THPO: variants seen among roughly 807,000 people sequenced by gnomAD.
THPO encodes MPL ligand.
THPO carries 12 observed loss-of-function variants against 17.0 expected under a neutral mutation model. The observed-to-expected ratio is 0.71, with a 90% CI of 0.45 to 1.14. The LOEUF is 1.14. Ranked by LOEUF, THPO falls within the 50% of genes most tolerant of loss-of-function variation. The pLI is 0.00. For synonymous variants in THPO, 188 were observed against 183.0 expected (o/e 1.03, Z -0.22); for missense variants, 365 against 427.5 (o/e 0.85, Z 1.29).
At chr3:184,378,524 A>G (rs1714649747), upstream of THPO, 1 of 490,932 alleles carries the variant, frequency 2.0e-6, no homozygotes, top group Non-Finnish European at 2.6e-6. Context: ...TGGACATCAT[A>G]CCTGCTGCTG....
In THPO at chr3:184,376,266, C is replaced by T. The variant is rs140178375; in HGVS notation, c.-7G>A. 75 of 1,614,148 alleles carry T rather than the reference C, an allele frequency of 4.6e-5. No individual in the cohort carries two copies. The highest frequency in any genetic ancestry group is 2.4e-4 in the African/African-American group (18 of 75,034). On this transcript the variant is annotated 5_prime_UTR_variant, in exon 2 of 6. Coordinates refer to ENST00000647395, the MANE Select transcript of THPO (RefSeq NM_000460.4). ...TCTCACCAGTCAGCTCCATTCTGGC[C>T]GGGGTGTCTGGCTGGCGTGGCTCCC...
At position 184,372,317 on chromosome 3, in the gene THPO, G is replaced by A; in HGVS notation, c.*196C>T. 1 of 664,024 alleles carries A rather than the reference G, an allele frequency of 1.5e-6. No homozygotes were observed. The highest frequency in any genetic ancestry group is 2.6e-6 in the Non-Finnish European group (1 of 388,446). The allele number at this position is 664,024 out of a possible 1,614,324, so 41.1% of individuals were successfully genotyped here. ...GCTGCTCTGATGAGTATTGCTGATA[G>A]CTTAAAAAAATAGCTTCTGAAGGTT... On this transcript the variant is annotated 3_prime_UTR_variant, in exon 6 of 6. Transcript: ENST00000647395.
intron 3 of THPO, 123 bp from the exon 4 acceptor site, chr3:184,375,724 A>T: frequency 6.9e-7 from 1 of 1,454,226 alleles, no homozygotes; most frequent in Non-Finnish European, 9.6e-7. Context: ...TGCGGGCTGT[A>T]TTGTGAAGAA....
chr3:184,372,087 A>T lies in THPO; in HGVS notation c.*426T>A. On this transcript the variant is annotated 3_prime_UTR_variant, in exon 6 of 6. Transcript: ENST00000647395. ...ATATGGGATCAGAGTCCCACTGAGA[A>T]TGATAGTAAAGGGGATGGGGGCGTT... 4.8e-6 allele frequency: 1 copy of T among 207,160 alleles called. No homozygotes were observed. The highest frequency in any genetic ancestry group is 5.1e-5 in the Admixed American group (1 of 19,750). 12.8% of individuals were successfully genotyped at this position (207,160 alleles called of 1,614,324 possible). A position where few individuals can be genotyped will look rare whatever the true frequency, so the allele number is the denominator to read the frequency against.
chr3:184,378,230 C>G (rs1412110621), upstream of THPO: 4 of 985,396 alleles, frequency 4.1e-6, no homozygotes, highest in Non-Finnish European at 4.8e-6. Context: ...AAGGGAGCCA[C>G]CAGACACTGG....
chr3:184,374,707 G>C (rs995282193), intron 4 of THPO, among the ~76,000 whole-genome samples: 1 of 152,154 alleles, frequency 6.6e-6, no homozygotes, highest in African/African-American at 2.4e-5. Context: ...GAAGTGCTAG[G>C]GCCAGAGGCT....
At chr3:184,377,965 G>C (rs1714559090) in intron 1 of THPO, 110 bp downstream of exon 1, 1 of 807,232 alleles carries the variant, frequency 1.2e-6, no homozygotes, top group African/African-American at 1.9e-5. Flanking sequence ...TCTCGACAAA[G>C]GTCAGTGCCT....
chr3:184,375,618 G>C lies in THPO; in HGVS notation c.142-17C>G. Reference sequence around the variant, plus strand: ...GCACTGGCTCTGTTGAAAAAGATTGGTGGGGGGAGAAGGGAGCTGAAATAG... The same window carrying C: ...GCACTGGCTCTGTTGAAAAAGATTGCTGGGGGGAGAAGGGAGCTGAAATAG... On this transcript the variant is annotated splice_polypyrimidine_tract_variant and intron_variant, in intron 3 of 5. Coordinates refer to ENST00000647395, the MANE Select transcript of THPO (RefSeq NM_000460.4). The C allele has an allele frequency of 6.2e-7, 1 of 1,613,558 alleles. No homozygotes were observed. The highest frequency in any genetic ancestry group is 8.5e-7 in the Non-Finnish European group (1 of 1,179,514).
In THPO at chr3:184,375,531, T is replaced by A; in HGVS notation, c.212A>T (p.Glu71Val). The A allele has an allele frequency of 6.2e-7, 1 of 1,614,102 alleles. No individual in the cohort carries two copies. The highest frequency in any genetic ancestry group is 1.7e-5 in the Admixed American group (1 of 60,020). ...LLPAVDFSLG[E>V]WKTQMEETKA... The stretch of plus-strand genomic sequence containing the variant: ...CTTTCTTACCATCTGGGTTTTCCAT[T>A]CTCCCAAGCTAAAGTCCACAGCAGG... The change falls in exon 4 of 6, where the codon GAA becomes GTA. Residue 71 changes from glutamate (E) to valine (V), a missense_variant. Glu to Val is a moderately radical substitution (Grantham distance 121). Transcript: ENST00000647395.
upstream of THPO, chr3:184,378,704 G>T: frequency 1.4e-6 from 1 of 737,492 alleles, no homozygotes; most frequent in Non-Finnish European, 1.7e-6. Flanking sequence ...TGAGTGGACT[G>T]TCAGGTGCGG....
intron 4 of THPO, among the ~76,000 whole-genome samples, chr3:184,374,238 A>G (rs1714201867): frequency 6.6e-6 from 1 of 152,194 alleles, no homozygotes; most frequent in African/African-American, 2.4e-5. Context: ...AAATAATAAT[A>G]ATAAATAAAC....
At position 184,373,154 on chromosome 3, in the gene THPO, C is replaced by T. The variant is rs540708445; in HGVS notation, c.421G>A (p.Ala141Thr). The change falls in exon 6 of 6, where the codon GCT (alanine) becomes ACT (threonine). Residue 141 changes from alanine to threonine, a missense_variant. Transcript: ENST00000647395. The part of the protein sequence containing the change: ...TQLPPQGRTT[A>T]HKDPNAIFLS... ...AAGATGGCATTGGGATCCTTGTGAG[C>T]TGTGGTCCTGCCCTGTGGAGGAAGC... 1.2e-6 allele frequency: 2 copies of T among 1,612,556 alleles called. No individual in the cohort carries two copies. The highest frequency in any genetic ancestry group is 2.7e-5 in the African/African-American group (2 of 75,014).
At chr3:184,376,198 C>A (rs773324939) in intron 2 of THPO, 49 bp downstream of exon 2, 1 of 1,613,976 alleles carries the variant, frequency 6.2e-7, no homozygotes, top group Non-Finnish European at 8.5e-7. Flanking sequence ...TTCTCTCTCC[C>A]CTTCTGTCAT....
At position 184,372,317 on chromosome 3, in the gene THPO, G is replaced by T; in HGVS notation, c.*196C>A. ...GCTGCTCTGATGAGTATTGCTGATA[G>T]CTTAAAAAAATAGCTTCTGAAGGTT... On this transcript the variant is annotated 3_prime_UTR_variant, in exon 6 of 6. Transcript: ENST00000647395. 1.5e-6 allele frequency: 1 copy of T among 664,024 alleles called. No homozygotes were observed. 41.1% of individuals were successfully genotyped at this position (664,024 alleles called of 1,614,324 possible). A position where few individuals can be genotyped will look rare whatever the true frequency, so the allele number is the denominator to read the frequency against.
intron 2 of THPO, 69 bp downstream of exon 2, chr3:184,376,178 C>A: frequency 6.2e-7 from 1 of 1,613,378 alleles, no homozygotes; most frequent in Non-Finnish European, 8.5e-7. Context: ...CCCCCTGCAG[C>A]GTGTCTCCTT....
upstream of THPO, chr3:184,378,257 T>G: frequency 1.0e-6 from 1 of 985,508 alleles, no homozygotes; most frequent in Non-Finnish European, 1.2e-6. Flanking sequence ...CCCCCGGAAG[T>G]GACGCCTTCT....
At chr3:184,378,292 C>G, upstream of THPO, 1 of 985,566 alleles carries the variant, frequency 1.0e-6, no homozygotes, top group Middle Eastern at 5.2e-4. Context: ...CTGCCTGGAC[C>G]AGGGTCCACT....
At chr3:184,373,376 A>T in intron 5 of THPO, 39 bp downstream of exon 5, 1 of 1,613,084 alleles carries the variant, frequency 6.2e-7, no homozygotes, top group Non-Finnish European at 8.5e-7. Flanking sequence ...CTGAGTCAGA[A>T]AAGAACAGTT....
At position 184,376,395 on chromosome 3, in the gene THPO, A is replaced by G. The variant is rs956732; in HGVS notation, c.-136T>C. On this transcript the variant is annotated 5_prime_UTR_variant, in exon 2 of 6. Coordinates refer to ENST00000647395, the MANE Select transcript of THPO (RefSeq NM_000460.4). ...TGGGGCAAAGGCGGGCCAAGGGTGA[A>G]GAATCTATCCTGAAAGTAGCAAGAA... is the stretch of plus-strand genomic sequence containing the variant. 0.52 allele frequency: 831,621 copies of G among 1,595,562 alleles called. 219,309 individuals carry two copies. Among genetic ancestry groups the G allele is most frequent in the Middle Eastern group, 0.63 (3,721 of 5,952 alleles).
Sources: allele counts gnomAD v4.1 joint callset (sites outside exome capture counted in the v4.1 genomes callset), GRCh38; gene constraint gnomAD v4.1.1; transcripts MANE v1.5; gene names NCBI Gene and HGNC (gene_info 2026-07-23, HGNC 2026-07-21).